Variants in TLL1 observed in about 807,000 individuals in gnomAD.
TLL1 encodes tolloid-like protein 1.
A neutral mutation model predicts 128.2 loss-of-function variants in TLL1; 49 were observed. The ratio of observed to expected loss-of-function variants is 0.38; its 90% CI spans 0.30 to 0.48. The LOEUF is 0.48. Ranked by LOEUF, TLL1 falls within the 20% of genes least tolerant of loss-of-function variation. TLL1 has a pLI of 0.96. For missense variants in TLL1, 1,123 were observed against 1,242.0 expected (o/e 0.90, Z 1.44); for synonymous variants, 454 against 418.8 (o/e 1.08, Z -1.03).
At chr4:165,946,884 G>GAA (rs1359727200) in intron 1 of TLL1, among the ~76,000 whole-genome samples, 1 of 152,048 alleles carries the variant, frequency 6.6e-6, no homozygotes, top group Non-Finnish European at 1.5e-5. Flanking sequence ...CATGTGATTG[G>GAA]AAACTGGAGA....
At chr4:165,940,022 A>G (rs998677329) in intron 1 of TLL1, among the ~76,000 whole-genome samples, 9 of 151,692 alleles carry the variant, frequency 5.9e-5, no homozygotes, top group Non-Finnish European at 1.3e-4. Flanking sequence ...TATCTATTCT[A>G]CCTCTTATAC....
chr4:165,994,609 A>T, intron 4 of TLL1, 76 bp downstream of exon 4: 1 of 1,533,478 alleles, frequency 6.5e-7, no homozygotes, highest in Non-Finnish European at 9.0e-7. Flanking sequence ...ATTTTTATAG[A>T]ATATTAACAT....
chr4:165,966,537 A>G (rs903456185), intron 1 of TLL1, among the ~76,000 whole-genome samples: 4 of 152,168 alleles, frequency 2.6e-5, no homozygotes, highest in African/African-American at 9.7e-5. Context: ...AGCCCCCGAT[A>G]TTTCAATGTA....
intron 9 of TLL1, among the ~76,000 whole-genome samples, chr4:166,031,279 AAT>A (rs1284714810): frequency 6.6e-5 from 10 of 152,162 alleles, no homozygotes; most frequent in African/African-American, 2.4e-4. Flanking sequence ...TTATTATATG[AAT>A]ATAAACACAT....
intron 1 of TLL1, among the ~76,000 whole-genome samples, chr4:165,880,115 G>A (rs1449104018): frequency 2.6e-5 from 4 of 152,114 alleles, no homozygotes; most frequent in African/African-American, 7.2e-5. Flanking sequence ...GACATAGATC[G>A]TGTTCTTTTC....
intron 7 of TLL1, among the ~76,000 whole-genome samples, chr4:166,014,184 T>C (rs575490864): frequency 6.6e-6 from 1 of 152,014 alleles, no homozygotes; most frequent in Admixed American, 6.6e-5. Context: ...GTATTCCATA[T>C]TTTTAAGAAC....
chr4:165,899,067 TG>T (rs1163449867), intron 1 of TLL1, among the ~76,000 whole-genome samples: 3 of 152,234 alleles, frequency 2.0e-5, no homozygotes, highest in Non-Finnish European at 4.4e-5. Flanking sequence ...GTGGGATCAG[TG>T]GTAATATCCC....
Position 166,054,245 on chromosome 4 carries a change from G to A in TLL1, c.1525-831G>A, listed in dbSNP as rs143750191. On this transcript the variant is annotated intron_variant, in intron 12 of 20. Transcript: ENST00000061240. ...TAGTAGTCTTTCTCTACACAGCCAGGTTAATTATGGAGAAAGAATTCAATA... is the reference window on the plus strand; with the variant it reads ...TAGTAGTCTTTCTCTACACAGCCAGATTAATTATGGAGAAAGAATTCAATA... Among the ~76,000 whole-genome samples, 636 of 152,182 alleles carry A rather than the reference G, an allele frequency of 4.2e-3. 3 individuals are homozygous for A. The highest frequency in any genetic ancestry group is 0.013 in the African/African-American group (556 of 41,530).
intron 1 of TLL1, among the ~76,000 whole-genome samples, chr4:165,913,321 T>C (rs1255666637): frequency 6.6e-6 from 1 of 152,202 alleles, no homozygotes; most frequent in Non-Finnish European, 1.5e-5. Flanking sequence ...TTGTCTGATT[T>C]TATTGTGAGA....
At chr4:165,888,820 G>A (rs936297783) in intron 1 of TLL1, among the ~76,000 whole-genome samples, 1 of 152,152 alleles carries the variant, frequency 6.6e-6, no homozygotes, top group Non-Finnish European at 1.5e-5. Context: ...CCCCAGATGT[G>A]GGAATCCCTG....
In TLL1 at chr4:165,947,139, G is replaced by A. The variant is rs76840247; in HGVS notation, c.170-42242G>A. ...AGTAGGCAAAGTAGGTTCATTCTGA[G>A]GCTGCTGTCTTGGCATGTGGGTGGC... On this transcript the variant is annotated intron_variant, in intron 1 of 20. Coordinates refer to ENST00000061240, the MANE Select transcript of TLL1 (RefSeq NM_012464.5). 1.7e-3 allele frequency among the ~76,000 whole-genome samples: 263 copies of A among 152,218 alleles called. 1 individual carries two copies. Among genetic ancestry groups the A allele is most frequent in the African/African-American group, 5.5e-3 (229 of 41,554 alleles).
At position 165,969,249 on chromosome 4, in the gene TLL1, C is replaced by T. The variant is rs189434154; in HGVS notation, c.170-20132C>T. 2.6e-4 allele frequency among the ~76,000 whole-genome samples: 39 copies of T among 152,002 alleles called. 1 individual carries two copies. In the East Asian group the frequency reaches 6.6e-3, roughly 26 times the overall value. ...CAGTTTACAATTTTTAATTTGTTTC[C>T]TGATGGTTGACCAGATATCTTCAGT... On this transcript the variant is annotated intron_variant, in intron 1 of 20. Coordinates refer to ENST00000061240, the MANE Select transcript of TLL1 (RefSeq NM_012464.5).
At chr4:165,898,566 C>T (rs1355098776) in intron 1 of TLL1, among the ~76,000 whole-genome samples, 2 of 152,152 alleles carry the variant, frequency 1.3e-5, no homozygotes, top group Middle Eastern at 3.2e-3. Context: ...AGCCTTGCAT[C>T]CCAGGGATGA....
intron 1 of TLL1, among the ~76,000 whole-genome samples, chr4:165,919,107 C>T (rs1732913563): frequency 6.6e-6 from 1 of 152,032 alleles, no homozygotes; most frequent in African/African-American, 2.4e-5. Context: ...ATAGGCCAGG[C>T]ACAGTGGCTC....
chr4:166,000,460 T>TA, intron 5 of TLL1, among the ~76,000 whole-genome samples: 1 of 152,302 alleles, frequency 6.6e-6, no homozygotes, highest in East Asian at 1.9e-4. Flanking sequence ...CTTTCCAGTG[T>TA]AAAACCTCAT....
chr4:165,972,188 G>A (rs1271406732), intron 1 of TLL1, among the ~76,000 whole-genome samples: 1 of 152,080 alleles, frequency 6.6e-6, no homozygotes, highest in Non-Finnish European at 1.5e-5. Flanking sequence ...CAGACATAGT[G>A]GACAGACTAT....
At chr4:165,881,343 C>T (rs1238050554) in intron 1 of TLL1, among the ~76,000 whole-genome samples, 1 of 152,226 alleles carries the variant, frequency 6.6e-6, no homozygotes, top group Non-Finnish European at 1.5e-5. Context: ...ACCATATCCC[C>T]ATCAATTAAC....
chr4:166,009,000 A>G (rs934147356), intron 7 of TLL1, among the ~76,000 whole-genome samples: 3 of 151,480 alleles, frequency 2.0e-5, no homozygotes, highest in Non-Finnish European at 3.0e-5. Flanking sequence ...TTTCCAAACC[A>G]AAGTTTATTA....
In TLL1 at chr4:166,055,189, A is replaced by C; in HGVS notation, c.1638A>C (p.Arg546Ser). 6.2e-7 allele frequency: 1 copy of C among 1,613,728 alleles called. No homozygotes were observed. Among genetic ancestry groups the C allele is most frequent in the Non-Finnish European group, 8.5e-7 (1 of 1,179,802 alleles). The change falls in exon 13 of 21, where the codon AGA (arginine) becomes AGC (serine). Residue 546 changes from arginine (R) to serine (S), a missense_variant. Transcript: ENST00000061240. ...FCGYDKPEDI[R>S]STSNTLWMKF... ...GTTATGACAAACCTGAAGACATAAG[A>C]TCTACCTCCAATACTTTGTGGATGA...
Sources: gnomAD v4.1 joint callset for allele counts (sites outside exome capture counted in the v4.1 genomes callset) on GRCh38, gnomAD v4.1.1 for gene constraint, MANE v1.5 for transcripts, NCBI Gene and HGNC (gene_info 2026-07-23, HGNC 2026-07-21) for gene names.